The following ZNF423 variants were observed in gnomAD, a reference collection of about 807,000 sequenced individuals.
ZNF423 encodes the protein Ebf-associated zinc finger protein.
Under a neutral mutation model 95.8 loss-of-function variants are expected in ZNF423, and 12 were observed. The ratio of observed to expected loss-of-function variants is 0.13; its 90% CI spans 0.08 to 0.20. ZNF423 has a LOEUF of 0.20. Among genes scored for constraint, ZNF423 ranks in the 10% least tolerant of loss-of-function variants. The pLI, the probability that ZNF423 is intolerant of heterozygous loss-of-function variation, is 1.00. For synonymous variants in ZNF423, 749 were observed against 711.9 expected, an observed-to-expected ratio of 1.05 and a Z score of -0.83; for missense variants, 1,316 against 1,737.1, an observed-to-expected ratio of 0.76 and a Z score of 4.31.
At chr16:49,702,229 C>CG (rs1206389985) in intron 3 of ZNF423, among the ~76,000 whole-genome samples, 1 of 152,172 alleles carries the variant, frequency 6.6e-6, no homozygotes, top group Non-Finnish European at 1.5e-5. Flanking sequence ...ATGCACAAGG[C>CG]GGGCCTTTGG....
chr16:49,602,403 G>A (rs1019729338), intron 5 of ZNF423, among the ~76,000 whole-genome samples: 2 of 152,228 alleles, frequency 1.3e-5, no homozygotes, highest in Non-Finnish European at 2.9e-5. Context: ...AGCCTTGACA[G>A]CCCAGGCTGA....
chr16:49,655,142 G>T (rs906807023), intron 3 of ZNF423, among the ~76,000 whole-genome samples: 1 of 152,160 alleles, frequency 6.6e-6, no homozygotes, highest in Non-Finnish European at 1.5e-5. Flanking sequence ...AAGGCCTCCT[G>T]GGAGAAGCAA....
intron 3 of ZNF423, among the ~76,000 whole-genome samples, chr16:49,642,417 T>C (rs903168041): frequency 9.2e-5 from 14 of 152,236 alleles, no homozygotes; most frequent in African/African-American, 2.4e-4. Context: ...CAAGGTTCAT[T>C]GCAGGCTGGC....
At chr16:49,824,912 T>C (rs919117943) in intron 1 of ZNF423, among the ~76,000 whole-genome samples, 4 of 152,138 alleles carry the variant, frequency 2.6e-5, no homozygotes, top group Non-Finnish European at 5.9e-5. Flanking sequence ...CAAAAGAAAC[T>C]CGTGGGCTGG....
At chr16:49,612,630 C>T (rs964126729) in intron 5 of ZNF423, among the ~76,000 whole-genome samples, 1 of 152,048 alleles carries the variant, frequency 6.6e-6, no homozygotes, top group African/African-American at 2.4e-5. Flanking sequence ...GGCAAACATA[C>T]CCACTCTCAC....
At chr16:49,785,766 C>G (rs573669138) in intron 2 of ZNF423, among the ~76,000 whole-genome samples, 2 of 152,382 alleles carry the variant, frequency 1.3e-5, no homozygotes, top group East Asian at 3.9e-4. Flanking sequence ...ACTAGCCTGC[C>G]TTGGGTGGGC....
chr16:49,610,766 C>CA (rs1385673845), intron 5 of ZNF423, among the ~76,000 whole-genome samples: 1 of 151,640 alleles, frequency 6.6e-6, no homozygotes, highest in Non-Finnish European at 1.5e-5. Context: ...GTGCTGTCTA[C>CA]AAAAAACTCA....
chr16:49,546,023 T>C (rs1328541103), intron 5 of ZNF423, among the ~76,000 whole-genome samples: 1 of 152,214 alleles, frequency 6.6e-6, no homozygotes, highest in Non-Finnish European at 1.5e-5. Flanking sequence ...ATAGAGGCAA[T>C]TAAATTCAAC....
intron 5 of ZNF423, among the ~76,000 whole-genome samples, chr16:49,604,471 C>A (rs1342729536): frequency 6.6e-6 from 1 of 152,126 alleles, no homozygotes; most frequent in East Asian, 1.9e-4. Flanking sequence ...GAACACGCTG[C>A]CACACTGCAG....
intron 3 of ZNF423, among the ~76,000 whole-genome samples, chr16:49,703,168 G>A (rs2032246159): frequency 6.6e-6 from 1 of 152,228 alleles, no homozygotes; most frequent in Admixed American, 6.5e-5. Context: ...GGACCAGAGA[G>A]GCGACCTGCT....
intron 2 of ZNF423, among the ~76,000 whole-genome samples, chr16:49,780,213 C>T (rs1286555353): frequency 1.3e-5 from 2 of 152,230 alleles, no homozygotes; most frequent in Non-Finnish European, 2.9e-5. Flanking sequence ...TATGCACAGG[C>T]TCTGCATACA....
chr16:49,808,669 G>A (rs1356974716), intron 1 of ZNF423, among the ~76,000 whole-genome samples: 1 of 152,214 alleles, frequency 6.6e-6, no homozygotes, highest in Non-Finnish European at 1.5e-5. Flanking sequence ...AGTGGGAGGG[G>A]CGGGGGACAT....
intron 1 of ZNF423, among the ~76,000 whole-genome samples, chr16:49,817,228 A>T (rs770139039): frequency 8.5e-5 from 13 of 152,218 alleles, no homozygotes; most frequent in Middle Eastern, 3.2e-3. Context: ...GAGTCCTAGC[A>T]GCGGAGAGGG....
intron 5 of ZNF423, among the ~76,000 whole-genome samples, chr16:49,596,289 A>G (rs1971176657): frequency 6.6e-6 from 1 of 152,208 alleles, no homozygotes; most frequent in African/African-American, 2.4e-5. Flanking sequence ...ACAGACTAAC[A>G]AATAGCTCAG....
In ZNF423 at chr16:49,637,446, G is replaced by A. The variant is rs1972773593; in HGVS notation, c.1730C>T (p.Thr577Ile). The A allele has an allele frequency of 6.2e-7, 1 of 1,614,128 alleles. No homozygotes were observed. Among genetic ancestry groups the A allele is most frequent in the Non-Finnish European group, 8.5e-7 (1 of 1,180,032 alleles). ...FMEVYSCPYC[T>I]NSPIFGSILK... ...GATGGAGCCAAAGATGGGGGAGTTG[G>A]TGCAGTAGGGGCAGGAATAGACCTC... The change falls in exon 4 of 8, where the codon ACC becomes ATC. Residue 577 changes from threonine (T) to isoleucine (I), a missense_variant. Transcript: ENST00000563137. This position sits in a 1 kb window ranked among gnomAD's most constrained non-coding sequence, Gnocchi z 5.6.
chr16:49,677,282 A>AGAAGAGAAGAGAAGAGAAGGGAAGG (rs2031119569), intron 3 of ZNF423, among the ~76,000 whole-genome samples: 1 of 81,578 alleles, frequency 1.2e-5, no homozygotes, highest in Non-Finnish European at 2.5e-5. Flanking sequence ...AGAAGAGAAG[A>AGAAGAGAAGAGAAGAGAAGGGAAGG]GAAGAGAAGA....
chr16:49,822,631 C>T (rs781371024), intron 1 of ZNF423: 2 of 1,549,418 alleles, frequency 1.3e-6, no homozygotes, highest in Non-Finnish European at 1.8e-6. Context: ...TGCCTACTTC[C>T]CTTGCCCCAC....
At chr16:49,494,510 T>C (rs1967085488) in intron 7 of ZNF423, among the ~76,000 whole-genome samples, 4 of 152,122 alleles carry the variant, frequency 2.6e-5, no homozygotes, top group South Asian at 4.1e-4. Flanking sequence ...GGGCCTGATT[T>C]AGAGGGGCTA....
intron 3 of ZNF423, among the ~76,000 whole-genome samples, chr16:49,673,583 G>A (rs1482275508): frequency 3.9e-5 from 6 of 152,214 alleles, no homozygotes; most frequent in Non-Finnish European, 7.3e-5. Context: ...AACCCAATTA[G>A]CATCAAGCTG....
Sources: gnomAD v4.1 joint callset for allele counts (sites outside exome capture counted in the v4.1 genomes callset) on GRCh38, gnomAD v4.1.1 for gene constraint, Gnocchi (gnomAD v3.1) non-coding constraint, MANE v1.5 for transcripts, NCBI Gene and HGNC (gene_info 2026-07-23, HGNC 2026-07-21) for gene names.